Variants in CDH18 observed in about 807,000 individuals in gnomAD.
The protein encoded by CDH18 is cadherin 18.
A neutral mutation model predicts 67.9 loss-of-function variants in CDH18; 31 were observed. The observed-to-expected ratio is 0.46, with a 90% confidence interval of 0.34 to 0.62. The LOEUF is 0.62. Among genes scored for constraint, CDH18 ranks in the 20% least tolerant of loss-of-function variants. CDH18 has a pLI of 0.01. For missense variants in CDH18, 890 were observed against 975.5 expected (o/e 0.91, Z 1.17); for synonymous variants, 362 against 347.2 (o/e 1.04, Z -0.48).
chr5:19,611,205 C>A (rs1202947107), intron 6 of CDH18, among the ~76,000 whole-genome samples: 1 of 151,592 alleles, frequency 6.6e-6, no homozygotes, highest in East Asian at 1.9e-4. Flanking sequence ...TGAACAAGCA[C>A]GCAAAAGTGC....
At chr5:20,062,050 A>T (rs1742533871) in intron 2 of CDH18, among the ~76,000 whole-genome samples, 1 of 151,980 alleles carries the variant, frequency 6.6e-6, no homozygotes, top group African/African-American at 2.4e-5. Context: ...TATTTTCCAT[A>T]TTACACATTT....
At chr5:20,027,822 G>C (rs1739047519) in intron 2 of CDH18, among the ~76,000 whole-genome samples, 1 of 152,084 alleles carries the variant, frequency 6.6e-6, no homozygotes, top group Admixed American at 6.5e-5. Flanking sequence ...CTTAAGATAG[G>C]GTTGCTAAGC....
chr5:19,525,014 G>C (rs542582208), intron 9 of CDH18, among the ~76,000 whole-genome samples: 42 of 152,176 alleles, frequency 2.8e-4, no homozygotes, highest in African/African-American at 9.2e-4. Flanking sequence ...CAAAGTGCTG[G>C]GATTACAGGC....
rs555634599 is a variant in CDH18, at chr5:20,094,004, G to A, written c.-517-101990C>T. On this transcript the variant is annotated intron_variant, in intron 2 of 14. Transcript: ENST00000507958. ...GGAGGTAAGAAGAAACCACCGAAAG[G>A]CAGACTCCTGGTGCCAAGAAAACAA... is the stretch of plus-strand genomic sequence containing the variant. Among the ~76,000 whole-genome samples, 7 of 152,216 alleles carry A rather than the reference G, an allele frequency of 4.6e-5. No individual in the cohort carries two copies. The South Asian group carries it at 1.5e-3, about 32-fold the overall frequency.
intron 5 of CDH18, among the ~76,000 whole-genome samples, chr5:19,662,957 G>A (rs1757392883): frequency 6.6e-6 from 1 of 151,958 alleles, no homozygotes; most frequent in Non-Finnish European, 1.5e-5. Flanking sequence ...GGTTAGAAAA[G>A]TTTAGGAGAA....
intron 8 of CDH18, among the ~76,000 whole-genome samples, chr5:19,558,604 TA>T (rs914671678): frequency 2.0e-5 from 3 of 151,158 alleles, no homozygotes; most frequent in Non-Finnish European, 4.4e-5. Flanking sequence ...GAAAAAAATA[TA>T]AACTCTGAAC....
intron 5 of CDH18, among the ~76,000 whole-genome samples, chr5:19,637,725 C>T (rs1033272905): frequency 4.9e-4 from 75 of 152,278 alleles, no homozygotes; most frequent in African/African-American, 1.8e-3. Flanking sequence ...ACTTCACCTT[C>T]TCTTGATGTC....
rs1452337169 is a variant in CDH18, at chr5:19,981,050, A to C, written c.-257+10T>G. On this transcript the variant is annotated intron_variant, in intron 2 of 12. Coordinates refer to ENST00000382275, the MANE Select transcript of CDH18 (RefSeq NM_004934.5). ...CCAACTTTATTTTCATGATAAATACAGAATCAAACCTTTTCTCTCAATCTC... is the reference window on the plus strand; with the variant it reads ...CCAACTTTATTTTCATGATAAATACCGAATCAAACCTTTTCTCTCAATCTC... 1 of 152,206 alleles carries C rather than the reference A, an allele frequency of 6.6e-6. No homozygotes were observed. Among genetic ancestry groups the C allele is most frequent in the East Asian group, 1.9e-4 (1 of 5,182 alleles). The allele number at this position is 152,206 out of a possible 1,614,324, so 9.4% of individuals were successfully genotyped here. A position where few individuals can be genotyped will look rare whatever the true frequency, so the allele number is the denominator to read the frequency against.
At chr5:19,700,985 A>C (rs759857640) in intron 5 of CDH18, among the ~76,000 whole-genome samples, 12 of 152,166 alleles carry the variant, frequency 7.9e-5, no homozygotes, top group Non-Finnish European at 1.3e-4. Flanking sequence ...AAATGAGCAA[A>C]AAAATAAGCA....
intron 2 of CDH18, among the ~76,000 whole-genome samples, chr5:20,254,641 A>G (rs1744095096): frequency 6.6e-6 from 1 of 152,236 alleles, no homozygotes; most frequent in Non-Finnish European, 1.5e-5. Flanking sequence ...GCTGTAAAGA[A>G]AAGAGAACTC....
chr5:19,962,757 G>A (rs1394159488), intron 2 of CDH18, among the ~76,000 whole-genome samples: 1 of 151,908 alleles, frequency 6.6e-6, no homozygotes, highest in Non-Finnish European at 1.5e-5. Context: ...GCCTGGGCAA[G>A]ACTCGGTCTC....
intron 2 of CDH18, among the ~76,000 whole-genome samples, chr5:20,063,080 T>C (rs527586529): frequency 2.0e-5 from 3 of 150,930 alleles, no homozygotes; most frequent in African/African-American, 7.3e-5. Context: ...AATAATTATG[T>C]CTTTGATCAA....
Position 19,748,626 on chromosome 5 carries a change from C to T in CDH18, c.229-1390G>A, listed in dbSNP as rs79629310. On this transcript the variant is annotated intron_variant, in intron 3 of 12. Transcript: ENST00000382275. ...ATTTACCTTTTTCTCATTTCTGACA[C>T]GTAGAAACATTGAAAAAACACAACT... is the stretch of plus-strand genomic sequence containing the variant. Among the ~76,000 whole-genome samples the T allele has an allele frequency of 2.3e-4, 35 of 152,164 alleles. No individual in the cohort carries two copies. The East Asian group carries it at 6.4e-3, about 28-fold the overall frequency.
intron 2 of CDH18, among the ~76,000 whole-genome samples, chr5:19,959,710 T>C (rs961486202): frequency 4.6e-5 from 7 of 152,098 alleles, no homozygotes; most frequent in Admixed American, 2.0e-4. Context: ...TTTTCAGTCA[T>C]GCATCCCTTA....
chr5:19,995,574 C>T (rs1219880270), intron 2 of CDH18, among the ~76,000 whole-genome samples: 1 of 149,360 alleles, frequency 6.7e-6, no homozygotes, highest in Non-Finnish European at 1.5e-5. Context: ...AGGATACTAC[C>T]CTCATCTGAT....
chr5:20,239,807 T>C (rs1742753845), intron 2 of CDH18, among the ~76,000 whole-genome samples: 1 of 152,120 alleles, frequency 6.6e-6, no homozygotes, highest in African/African-American at 2.4e-5. Flanking sequence ...CACTGTTGCT[T>C]GCTTTTTGTT....
intron 1 of CDH18, among the ~76,000 whole-genome samples, chr5:20,527,239 C>T (rs1756126913): frequency 6.6e-6 from 1 of 151,956 alleles, no homozygotes; most frequent in South Asian, 2.1e-4. Flanking sequence ...ATGAACAAAA[C>T]CTCTGAGAAC....
At chr5:20,080,688 AT>A (rs1744393788) in intron 2 of CDH18, among the ~76,000 whole-genome samples, 1 of 150,140 alleles carries the variant, frequency 6.7e-6, no homozygotes. Context: ...ATAATTGTCC[AT>A]TTTATAGAAA....
At chr5:19,786,915 AG>A (rs1487065933) in intron 3 of CDH18, among the ~76,000 whole-genome samples, 3 of 152,108 alleles carry the variant, frequency 2.0e-5, no homozygotes, top group African/African-American at 7.2e-5. Flanking sequence ...CCACGTTGGC[AG>A]TATTGCTAAC....
Sources: allele counts gnomAD v4.1 joint callset (sites outside exome capture counted in the v4.1 genomes callset), GRCh38; gene constraint gnomAD v4.1.1; transcripts MANE v1.5; gene names NCBI Gene and HGNC (gene_info 2026-07-23, HGNC 2026-07-21).